CCAR2: variants seen among roughly 807,000 people sequenced by gnomAD.
The protein encoded by CCAR2 is cell cycle and apoptosis regulator protein 2.
Under a neutral mutation model 108.1 loss-of-function variants are expected in CCAR2, and 21 were observed. The observed-to-expected ratio is 0.19, with a 90% CI of 0.14 to 0.28. The LOEUF is 0.28. CCAR2 is among the 10% of genes least tolerant of loss of function. The pLI is 1.00. For missense variants in CCAR2, 1,126 were observed against 1,177.0 expected (o/e 0.96, Z 0.63); for synonymous variants, 577 against 472.8 (o/e 1.22, Z -2.86).
downstream of CCAR2, chr8:22,621,379 G>A (rs1321353241): frequency 1.3e-6 from 2 of 1,588,006 alleles, no homozygotes; most frequent in Non-Finnish European, 1.7e-6. Context: ...AAGGATGAAT[G>A]AGGCTGACCA....
rs890006077 is a variant in CCAR2 at position 22,606,185 on chromosome 8, G to A, written c.150+9G>A. 6.9e-6 allele frequency: 11 copies of A among 1,605,594 alleles called. No individual in the cohort carries two copies. The highest frequency in any genetic ancestry group is 1.7e-5 in the Admixed American group (1 of 59,994). On this transcript the variant is annotated intron_variant, in intron 3 of 20. Transcript: ENST00000308511. ...ATGCCAGGCACCTTCAGGTAGGTTC[G>A]GCATCCCTTGTAGTAAGTTTCAGCC...
At chr8:22,620,737 G>GA (rs1801760461), downstream of CCAR2, 1 of 152,134 alleles carries the variant, frequency 6.6e-6, no homozygotes, top group South Asian at 2.1e-4. Flanking sequence ...AATTTTACTT[G>GA]AAAAAATAAA....
intron 11 of CCAR2, 158 bp downstream of exon 11, chr8:22,615,159 C>A: frequency 9.4e-7 from 1 of 1,067,912 alleles, no homozygotes; most frequent in South Asian, 1.7e-5. Context: ...GGGTGTATGC[C>A]AAAATCTGGC....
Position 22,607,952 on chromosome 8 carries a change from T to C in CCAR2, c.488-17T>C. The C allele has an allele frequency of 6.2e-7, 1 of 1,612,232 alleles. No homozygotes were observed. Among genetic ancestry groups the C allele is most frequent in the Non-Finnish European group, 8.5e-7 (1 of 1,178,840 alleles). On this transcript the variant is annotated splice_polypyrimidine_tract_variant and intron_variant, in intron 6 of 20. Coordinates refer to ENST00000308511, the MANE Select transcript of CCAR2 (RefSeq NM_001393997.1). ...GTTTTTAGGGTTTTTGAGTCACCAG[T>C]CATTTCCTTTCTGCAGCTCTGAGTC...
At chr8:22,607,158 C>T in intron 5 of CCAR2, 38 bp from the exon 6 acceptor site, 1 of 1,612,022 alleles carries the variant, frequency 6.2e-7, no homozygotes, top group South Asian at 1.1e-5. Flanking sequence ...GTGCCTCAAC[C>T]ATGGGGTCCC....
At chr8:22,613,862 C>T in intron 8 of CCAR2, 1 of 536,280 alleles carries the variant, frequency 1.9e-6, no homozygotes, top group South Asian at 2.7e-5. Flanking sequence ...TGACCCATTT[C>T]TCTGTCATGT....
intron 7 of CCAR2, among the ~76,000 whole-genome samples, chr8:22,611,058 TTAAAA>T (rs1298680185): frequency 2.2e-4 from 33 of 149,924 alleles, no homozygotes; most frequent in East Asian, 2.1e-4. Context: ...ATACATAAAA[TTAAAA>T]TAATATAAAT....
chr8:22,618,257 A>C, intron 16 of CCAR2, 92 bp from the exon 17 acceptor site: 1 of 1,551,398 alleles, frequency 6.4e-7, no homozygotes. Context: ...CATGTGGCCC[A>C]AGCCACTGGA....
intron 15 of CCAR2, 33 bp from the exon 16 acceptor site, chr8:22,617,663 C>T (rs62492656): frequency 1.8e-5 from 29 of 1,613,964 alleles, no homozygotes; most frequent in Middle Eastern, 1.6e-4. Context: ...GTTGGGTGGG[C>T]CCTGCTCTCC....
intron 14 of CCAR2, among the ~76,000 whole-genome samples, chr8:22,617,128 G>A (rs973071919): frequency 6.6e-6 from 1 of 151,754 alleles, no homozygotes; most frequent in Non-Finnish European, 1.5e-5. Flanking sequence ...GGGATTACAG[G>A]TGTGAGCCAC....
intron 7 of CCAR2, among the ~76,000 whole-genome samples, chr8:22,609,085 C>A (rs1377398169): frequency 7.0e-6 from 1 of 143,590 alleles, no homozygotes; most frequent in East Asian, 2.0e-4. Context: ...AGGGCTTGCT[C>A]CGTCACCCAG....
intron 14 of CCAR2, chr8:22,616,481 C>T (rs894251410): frequency 2.6e-5 from 15 of 566,070 alleles, no homozygotes; most frequent in African/African-American, 1.9e-4. Context: ...TCACTGAGAA[C>T]GCTTGGCAGA....
At chr8:22,616,947 C>A (rs1394035992) in intron 14 of CCAR2, among the ~76,000 whole-genome samples, 2 of 94,778 alleles carry the variant, frequency 2.1e-5, no homozygotes, top group African/African-American at 1.6e-4. Context: ...AGTGGCGCAA[C>A]CTCGGCTCAC....
chr8:22,611,573 C>T (rs571611474), intron 7 of CCAR2, among the ~76,000 whole-genome samples: 6 of 152,092 alleles, frequency 3.9e-5, no homozygotes, highest in East Asian at 3.9e-4. Flanking sequence ...AAAGGAAAAT[C>T]TCTTGCCACT....
Position 22,618,624 on chromosome 8 carries a change from A to G in CCAR2, c.2228A>G (p.Gln743Arg), listed in dbSNP as rs767416995. Residue 743 changes from glutamine to arginine, a missense_variant, in exon 18 of 21, where the codon CAG (glutamine) becomes CGG (arginine). Physicochemically the swap from Gln to Arg is conservative, Grantham distance 43. This residue lies in a region of CCAR2 where 1,013 missense variants were observed against 993.9 expected (regional missense o/e 1.02). Coordinates refer to ENST00000308511, the MANE Select transcript of CCAR2 (RefSeq NM_001393997.1). ...GIRLSAEQAK[Q>R]LVSRVVTQNI... ...CAGATGTGTTTTCTGCAGGCCAAGC[A>G]GCTGGTCAGCAGGGTGGTGACCCAG... The G allele has an allele frequency of 1.2e-6, 2 of 1,614,010 alleles. No homozygotes were observed. Among genetic ancestry groups the G allele is most frequent in the African/African-American group, 2.7e-5 (2 of 74,948 alleles).
downstream of CCAR2, chr8:22,621,071 C>CATTA: frequency 4.6e-6 from 1 of 215,706 alleles, no homozygotes; most frequent in East Asian, 1.2e-4. Flanking sequence ...ATTTGATGCC[C>CATTA]ACAACGCATG....
chr8:22,608,024 T>C lies in CCAR2; in HGVS notation c.543T>C (p.Phe181=). ...HTLHLSHLNR[F]PARGPHGRLD... is the part of the protein sequence containing the mutation. ...TTCACCTGAGCCACCTGAACAGATT[T>C]CCTGCCCGGGGCCCTCATGGACGGT... The change falls in exon 7 of 21, where the codon TTT becomes TTC. Residue 181 remains phenylalanine, a synonymous_variant. Transcript: ENST00000308511. 6.2e-7 allele frequency: 1 copy of C among 1,614,066 alleles called. No individual in the cohort carries two copies. The highest frequency in any genetic ancestry group is 8.5e-7 in the Non-Finnish European group (1 of 1,180,012).
chr8:22,614,531 C>G, intron 10 of CCAR2, 28 bp downstream of exon 10: 4 of 1,573,750 alleles, frequency 2.5e-6, no homozygotes, highest in Non-Finnish European at 3.5e-6. Context: ...GGAGGAGATG[C>G]ATTCACGGGT....
rs201915098 is a variant in CCAR2 at position 22,615,743 on chromosome 8, G to C, written c.1439G>C (p.Arg480Pro). 52 of 1,613,674 alleles carry C rather than the reference G, an allele frequency of 3.2e-5. No homozygotes were observed. Among genetic ancestry groups the C allele is most frequent in the Admixed American group, 8.3e-5 (5 of 60,002 alleles). The change falls in exon 13 of 21, where the codon CGG (arginine) becomes CCG (proline). Residue 480 changes from arginine to proline, a missense_variant. Physicochemically the swap from Arg to Pro is moderately radical, Grantham distance 103. Transcript: ENST00000308511. ...ALEQAADTSR[R>P]NAETPEATTQ... ...GAGCAAGCAGCAGACACTTCTAGAC[G>C]GAACGCAGAAACTCCAGAGGCCACC...
Sources: gnomAD v4.1 joint callset for allele counts (sites outside exome capture counted in the v4.1 genomes callset) on GRCh38, gnomAD v4.1.1 for gene constraint, gnomAD v4.1.1 regional missense constraint, MANE v1.5 for transcripts, NCBI Gene and HGNC (gene_info 2026-07-23, HGNC 2026-07-21) for gene names.